Variants in PWWP3B observed in about 807,000 individuals in gnomAD.
PWWP3B encodes the protein PWWP domain-containing DNA repair factor 3B.
A neutral mutation model predicts 15.7 loss-of-function variants in PWWP3B; 5 were observed. The ratio of observed to expected loss-of-function variants is 0.32; its 90% CI spans 0.17 to 0.67. PWWP3B has a LOEUF of 0.67. Ranked by LOEUF, PWWP3B falls within the 30% of genes least tolerant of loss-of-function variation. The pLI is 0.74. For synonymous variants in PWWP3B, 203 were observed against 179.8 expected, an observed-to-expected ratio of 1.13 and a Z score of -1.03; for missense variants, 519 against 493.1, an observed-to-expected ratio of 1.05 and a Z score of -0.50.
At chrX:106,187,032 C>T (rs1214936968) in intron 2 of PWWP3B, among the ~76,000 whole-genome samples, 1 of 111,798 alleles carries the variant, frequency 8.9e-6, no homozygotes, top group African/African-American at 3.3e-5. Flanking sequence ...CCCACTCGAC[C>T]CAGGAAGTCC....
chrX:106,176,158 A>G lies in PWWP3B; in HGVS notation c.-401+5019A>G, dbSNP rs773699994. Among the ~76,000 whole-genome samples, 6 of 111,174 alleles carry G rather than the reference A, an allele frequency of 5.4e-5. No homozygotes were observed. The East Asian group carries it at 1.4e-3, about 26-fold the overall frequency. ...GCCCAGGCTAGAGTGCAGTGGCGCG[A>G]TCTCAGCTCACTGCAACCTCCACCT... On this transcript the variant is annotated intron_variant, in intron 2 of 3. Coordinates refer to ENST00000357175, the MANE Select transcript of PWWP3B (RefSeq NM_001171020.2).
In PWWP3B at chrX:106,208,883, A is replaced by G. The variant is rs1924193035; in HGVS notation, c.*1360A>G. On this transcript the variant is annotated 3_prime_UTR_variant, in exon 4 of 4. Coordinates refer to ENST00000357175, the MANE Select transcript of PWWP3B (RefSeq NM_001171020.2). ...GCTCTTGGGCTCTTGTTATACAGTC[A>G]TATGGCTACACGTTTATGTAAAGTT... The G allele has an allele frequency of 8.1e-6, 1 of 123,266 alleles. No homozygotes were observed. The highest frequency in any genetic ancestry group is 1.9e-5 in the Non-Finnish European group (1 of 53,319). The allele number at this position is 123,266 out of a possible 1,213,427, so 10.2% of individuals were successfully genotyped here.
At chrX:106,194,831 C>G (rs997836325) in intron 2 of PWWP3B, among the ~76,000 whole-genome samples, 26 of 111,940 alleles carry the variant, frequency 2.3e-4, no homozygotes, top group African/African-American at 8.5e-4. Flanking sequence ...GCCTGGGTAT[C>G]AGCAGCGGTG....
At chrX:106,188,302 G>T (rs1318854511) in intron 2 of PWWP3B, among the ~76,000 whole-genome samples, 2 of 111,744 alleles carry the variant, frequency 1.8e-5, no homozygotes, top group Non-Finnish European at 3.8e-5. Context: ...TAATAAAAGA[G>T]ATCAAAATAA....
intron 2 of PWWP3B, among the ~76,000 whole-genome samples, chrX:106,198,518 A>C (rs1354667030): frequency 8.9e-6 from 1 of 111,766 alleles, no homozygotes; most frequent in Non-Finnish European, 1.9e-5. Flanking sequence ...TAATTATTAA[A>C]TAAGATCATA....
At chrX:106,189,244 T>C (rs1276784934) in intron 2 of PWWP3B, among the ~76,000 whole-genome samples, 1 of 111,762 alleles carries the variant, frequency 8.9e-6, no homozygotes, top group Non-Finnish European at 1.9e-5. Context: ...TTTATTATTA[T>C]TATACTTTTA....
At chrX:106,186,587 T>C (rs777158085) in intron 2 of PWWP3B, among the ~76,000 whole-genome samples, 1 of 111,143 alleles carries the variant, frequency 9.0e-6, no homozygotes, top group African/African-American at 3.3e-5. Context: ...GTTGGTTCCT[T>C]CTGGTGGGTT....
At chrX:106,199,402 G>T (rs1362713122) in intron 2 of PWWP3B, among the ~76,000 whole-genome samples, 1 of 111,241 alleles carries the variant, frequency 9.0e-6, no homozygotes, top group East Asian at 2.8e-4. Flanking sequence ...TCTAGTACTA[G>T]AAAAAAAGAC....
chrX:106,201,538 A>C (rs1184705503), intron 2 of PWWP3B, among the ~76,000 whole-genome samples: 1 of 112,769 alleles, frequency 8.9e-6, no homozygotes, highest in Non-Finnish European at 1.9e-5. Context: ...GAAATTAAGC[A>C]CACTTGTTGA....
intron 2 of PWWP3B, among the ~76,000 whole-genome samples, chrX:106,190,669 TG>T (rs1327424638): frequency 8.9e-6 from 1 of 112,262 alleles, no homozygotes; most frequent in Non-Finnish European, 1.9e-5. Context: ...AGGGTTTTTA[TG>T]GTTTTAGGTC....
chrX:106,187,826 CTATT>C (rs759919397), intron 2 of PWWP3B, among the ~76,000 whole-genome samples: 14 of 111,403 alleles, frequency 1.3e-4, no homozygotes, highest in Admixed American at 3.8e-4. Flanking sequence ...TCTAACTGGA[CTATT>C]TATAGTTGTT....
intron 2 of PWWP3B, among the ~76,000 whole-genome samples, chrX:106,188,040 A>G (rs775888520): frequency 1.8e-5 from 2 of 110,099 alleles, no homozygotes; most frequent in Non-Finnish European, 3.8e-5. Context: ...CTTTCCACTC[A>G]TATGGTTTAG....
At chrX:106,180,087 C>T (rs776647036) in intron 2 of PWWP3B, among the ~76,000 whole-genome samples, 270 of 111,361 alleles carry the variant, frequency 2.4e-3, no homozygotes, top group African/African-American at 8.5e-3. Context: ...GATGCAGACC[C>T]CCAGTATCTG....
intron 2 of PWWP3B, among the ~76,000 whole-genome samples, chrX:106,198,538 C>T (rs1923511288): frequency 9.0e-6 from 1 of 111,566 alleles, no homozygotes; most frequent in African/African-American, 3.3e-5. Flanking sequence ...ATGTCAAGTG[C>T]TTGAGAACAT....
chrX:106,194,297 T>A (rs1400953650), intron 2 of PWWP3B, among the ~76,000 whole-genome samples: 2 of 112,014 alleles, frequency 1.8e-5, no homozygotes, highest in Non-Finnish European at 3.8e-5. Flanking sequence ...CATTTCGTCT[T>A]CCATCGCTGA....
chrX:106,178,777 T>C (rs912674606), intron 2 of PWWP3B, among the ~76,000 whole-genome samples: 3 of 112,372 alleles, frequency 2.7e-5, no homozygotes, highest in African/African-American at 9.7e-5. Flanking sequence ...AGAAAAAATA[T>C]GGAAAGATAT....
chrX:106,190,760 T>A (rs1333443792), intron 2 of PWWP3B, among the ~76,000 whole-genome samples: 1 of 112,117 alleles, frequency 8.9e-6, no homozygotes, highest in African/African-American at 3.2e-5. Context: ...GCTTTCTACA[T>A]ATGGCTAGCC....
Position 106,207,265 on chromosome X carries a change from A to T in PWWP3B, c.1833A>T (p.Lys611Asn), listed in dbSNP as rs758425300. 8.3e-7 allele frequency: 1 copy of T among 1,209,581 alleles called. No homozygotes were observed. Among genetic ancestry groups the T allele is most frequent in the Non-Finnish European group, 1.1e-6 (1 of 894,861 alleles). Reference sequence around the variant, plus strand: ...AAGATCAGTTGGATGAAGTGGTGAAATATTTACAAGAAGTCTGCAATCAAA... The same window carrying T: ...AAGATCAGTTGGATGAAGTGGTGAATTATTTACAAGAAGTCTGCAATCAAA... ...EDEDQLDEVV[K>N]YLQEVCNQID... The change falls in exon 4 of 4, where the codon AAA becomes AAT. Residue 611 changes from lysine (K) to asparagine (N), a missense_variant. Lys to Asn is a moderately conservative substitution (Grantham distance 94). Transcript: ENST00000357175.
rs367560008 is a variant in PWWP3B at position 106,206,115 on chromosome X, G to A, written c.683G>A (p.Ser228Asn). 37 of 1,211,095 alleles carry A rather than the reference G, an allele frequency of 3.1e-5. 1 individual carries two copies. The highest frequency in any genetic ancestry group is 2.4e-4 in the African/African-American group (14 of 57,883). ...GTGCATTCTGCAGTCAAAGAGGAAA[G>A]TGCATGTGTTAAAGATGAAAAGTTT... ...MSVHSAVKEE[S>N]ACVKDEKFAP... is the part of the protein sequence containing the mutation. Residue 228 changes from serine (S) to asparagine (N), a missense_variant, in exon 4 of 4, where the codon AGT becomes AAT. Physicochemically the swap from Ser to Asn is conservative, Grantham distance 46. Coordinates refer to ENST00000357175, the MANE Select transcript of PWWP3B (RefSeq NM_001171020.2).
Sources: gnomAD v4.1 joint callset for allele counts (sites outside exome capture counted in the v4.1 genomes callset) on GRCh38, gnomAD v4.1.1 for gene constraint, MANE v1.5 for transcripts, NCBI Gene and HGNC (gene_info 2026-07-23, HGNC 2026-07-21) for gene names.